Variants in SLC16A7 observed in about 807,000 individuals in gnomAD.
The protein encoded by SLC16A7 is monocarboxylate transporter 2.
SLC16A7 carries 33 observed loss-of-function variants against 34.9 expected under a neutral mutation model. The observed-to-expected ratio is 0.94, with a 90% CI of 0.72 to 1.26. SLC16A7 has a LOEUF of 1.26. Among genes scored for constraint, SLC16A7 ranks in the 50% most tolerant of loss-of-function variants. SLC16A7 has a pLI of 0.00. For synonymous variants in SLC16A7, 201 were observed against 206.6 expected (o/e 0.97, Z 0.23); for missense variants, 573 against 578.1 (o/e 0.99, Z 0.09).
chr12:59,675,933 A>T (rs971760406), intron 2 of SLC16A7, among the ~76,000 whole-genome samples: 3 of 152,176 alleles, frequency 2.0e-5, no homozygotes, highest in Non-Finnish European at 4.4e-5. Context: ...ATATATATAT[A>T]GCCAAATGAC....
At chr12:59,675,861 T>C (rs1311265456) in intron 2 of SLC16A7, among the ~76,000 whole-genome samples, 2 of 152,180 alleles carry the variant, frequency 1.3e-5, no homozygotes, top group Non-Finnish European at 2.9e-5. Flanking sequence ...ACATATTAAG[T>C]ATACTTCAGG....
chr12:59,660,221 G>A (rs1409741499), intron 2 of SLC16A7, among the ~76,000 whole-genome samples: 3 of 151,800 alleles, frequency 2.0e-5, no homozygotes, highest in Admixed American at 6.6e-5. Flanking sequence ...GCTCCCAGGG[G>A]AATGAAGCCT....
chr12:59,618,418 C>G (rs1451804101), intron 1 of SLC16A7, among the ~76,000 whole-genome samples: 1 of 151,902 alleles, frequency 6.6e-6, no homozygotes, highest in Non-Finnish European at 1.5e-5. Context: ...AAATAACGTT[C>G]TATTCAATAA....
intron 1 of SLC16A7, among the ~76,000 whole-genome samples, chr12:59,633,655 AAG>A (rs913757521): frequency 3.9e-5 from 6 of 152,140 alleles, no homozygotes; most frequent in East Asian, 1.9e-4. Flanking sequence ...AAAAAAAAAA[AAG>A]AGATTTAATT....
At chr12:59,725,175 A>T (rs929148072) in intron 3 of SLC16A7, among the ~76,000 whole-genome samples, 9 of 152,110 alleles carry the variant, frequency 5.9e-5, no homozygotes, top group Admixed American at 2.0e-4. Flanking sequence ...ATGCCATTCT[A>T]CAGGTATGGT....
intron 3 of SLC16A7, among the ~76,000 whole-genome samples, chr12:59,730,746 T>C (rs1008474838): frequency 6.6e-6 from 1 of 152,234 alleles, no homozygotes; most frequent in African/African-American, 2.4e-5. Flanking sequence ...AAACTCTTTC[T>C]TGAAATACTT....
At chr12:59,653,530 T>A (rs1390057676) in intron 1 of SLC16A7, among the ~76,000 whole-genome samples, 1 of 151,610 alleles carries the variant, frequency 6.6e-6, no homozygotes, top group African/African-American at 2.4e-5. Flanking sequence ...ATATTTAGTA[T>A]ATAAATTTTA....
intron 3 of SLC16A7, among the ~76,000 whole-genome samples, chr12:59,744,769 A>G (rs905019332): frequency 6.6e-6 from 1 of 152,104 alleles, no homozygotes; most frequent in Non-Finnish European, 1.5e-5. Context: ...CACCTCCTAG[A>G]CACTGCTGCA....
intron 1 of SLC16A7, among the ~76,000 whole-genome samples, chr12:59,652,850 C>T (rs1868366796): frequency 2.0e-5 from 3 of 151,696 alleles, no homozygotes; most frequent in African/African-American, 4.8e-5. Context: ...CTTTGTAGAA[C>T]TTATCTGTGA....
rs1053735197 is a variant in SLC16A7, at chr12:59,782,005, C to A, written c.*2326C>A. ...GGTTTATTTACTTACTGATGAGTTT[C>A]TCGTCACGTCAAAACCAGTTCACAT... On this transcript the variant is annotated 3_prime_UTR_variant, in exon 6 of 6. Transcript: ENST00000547379. The A allele has an allele frequency of 6.6e-6, 1 of 152,162 alleles. No homozygotes were observed. The highest frequency in any genetic ancestry group is 1.5e-5 in the Non-Finnish European group (1 of 68,036). 9.4% of individuals were successfully genotyped at this position (152,162 alleles called of 1,614,324 possible). A position where few individuals can be genotyped will look rare whatever the true frequency, so the allele number is the denominator to read the frequency against.
chr12:59,715,981 C>A (rs1289755279), intron 3 of SLC16A7, among the ~76,000 whole-genome samples: 2 of 152,052 alleles, frequency 1.3e-5, no homozygotes, highest in African/African-American at 2.4e-5. Flanking sequence ...TACTGAAGTT[C>A]TTTTTAAAGG....
intron 2 of SLC16A7, among the ~76,000 whole-genome samples, chr12:59,700,431 A>G (rs556077228): frequency 6.7e-6 from 1 of 150,326 alleles, no homozygotes; most frequent in Non-Finnish European, 1.5e-5. Flanking sequence ...TGTCATATGC[A>G]TATTATTACA....
At chr12:59,778,583 G>A (rs1475193624) in intron 5 of SLC16A7, among the ~76,000 whole-genome samples, 2 of 152,092 alleles carry the variant, frequency 1.3e-5, no homozygotes, top group East Asian at 1.9e-4. Context: ...CTAAATATAA[G>A]CTGACAAAAT....
chr12:59,690,330 AT>A lies in SLC16A7; in HGVS notation c.-30-14441del, dbSNP rs1189419041. ...GCTTCCTATGTAAGGGAAGAAAAAA[AT>A]AATTTTCTTTCTATATTTTCTGAGT... On this transcript the variant is annotated intron_variant, in intron 2 of 5. Coordinates refer to ENST00000547379, the MANE Select transcript of SLC16A7 (RefSeq NM_001270623.2). 4.6e-5 allele frequency among the ~76,000 whole-genome samples: 7 copies of A among 152,156 alleles called. No homozygotes were observed. In the East Asian group the frequency reaches 1.4e-3, roughly 29 times the overall value.
intron 2 of SLC16A7, among the ~76,000 whole-genome samples, chr12:59,672,220 GTGTATATATGCATATATACGTA>G: frequency 1.1e-5 from 1 of 94,370 alleles, no homozygotes; most frequent in Non-Finnish European, 2.5e-5. Context: ...GTATATATAT[GTGTATATATGCATATATACGTA>G]TATATATGTG....
At chr12:59,637,859 G>A (rs1880502854) in intron 1 of SLC16A7, among the ~76,000 whole-genome samples, 1 of 152,098 alleles carries the variant, frequency 6.6e-6, no homozygotes, top group African/African-American at 2.4e-5. Flanking sequence ...TCCTGTGAAA[G>A]TTGGCTTGCT....
chr12:59,717,884 T>C (rs1425891004), intron 3 of SLC16A7, among the ~76,000 whole-genome samples: 1 of 152,208 alleles, frequency 6.6e-6, no homozygotes, highest in Non-Finnish European at 1.5e-5. Flanking sequence ...ATTTAGATTT[T>C]TTTTCTACCT....
In SLC16A7 at chr12:59,647,444, T is replaced by C. The variant is rs554106997; in HGVS notation, c.-129-7708T>C. On this transcript the variant is annotated intron_variant, in intron 1 of 5. Transcript: ENST00000547379. ...GTGTTTGCTTCCCCTTCCACCATGA[T>C]TGTAAGTTTCCCAAGGCCTCCCTAG... 7.9e-5 allele frequency among the ~76,000 whole-genome samples: 12 copies of C among 152,282 alleles called. No individual in the cohort carries two copies. In the South Asian group the frequency reaches 1.9e-3, roughly 24 times the overall value.
chr12:59,767,734 T>G (rs567256264), intron 3 of SLC16A7, among the ~76,000 whole-genome samples: 117 of 152,262 alleles, frequency 7.7e-4, no homozygotes, highest in African/African-American at 2.8e-3. Flanking sequence ...CTGATAGAGA[T>G]GTACAAGGAG....
Sources: allele counts gnomAD v4.1 joint callset (sites outside exome capture counted in the v4.1 genomes callset), GRCh38; gene constraint gnomAD v4.1.1; transcripts MANE v1.5; gene names NCBI Gene and HGNC (gene_info 2026-07-23, HGNC 2026-07-21).